The following NEURL4 variants were observed in gnomAD, a reference collection of about 807,000 sequenced individuals.
NEURL4 encodes the protein neuralized-like protein 4.
Under a neutral mutation model 148.0 loss-of-function variants are expected in NEURL4, and 45 were observed. The observed-to-expected ratio is 0.30, with a 90% CI of 0.24 to 0.39. The LOEUF is 0.39. NEURL4 is among the 10% of genes least tolerant of loss of function. The pLI, the probability that NEURL4 is intolerant of heterozygous loss-of-function variation, is 1.00. For missense variants in NEURL4, 1,776 were observed against 2,144.0 expected (o/e 0.83, Z 3.39); for synonymous variants, 854 against 869.0 (o/e 0.98, Z 0.30).
Position 7,327,116 on chromosome 17 carries a change from TC to T in NEURL4, c.793+48del. 1 of 1,604,926 alleles carries T rather than the reference TC, an allele frequency of 6.2e-7. No individual in the cohort carries two copies. Among genetic ancestry groups the T allele is most frequent in the Non-Finnish European group, 8.5e-7 (1 of 1,176,334 alleles). ...CCCTTCTCCTGAGGGCCCTCCCTTG[TC>T]CACCTCACTTCCCACTCCCCTTCCC... is the stretch of plus-strand genomic sequence containing the variant. On this transcript the variant is annotated intron_variant, in intron 3 of 28. Transcript: ENST00000399464. The surrounding 1 kb of genome is among the most constrained non-coding windows in gnomAD (Gnocchi z 6.6).
chr17:7,325,733 A>G lies in NEURL4; in HGVS notation c.1294-20T>C. On this transcript the variant is annotated intron_variant, in intron 6 of 28. Coordinates refer to ENST00000399464, the MANE Select transcript of NEURL4 (RefSeq NM_032442.3). ...ACCCTCCTAATCAAAGAAGACAAAC[A>G]GTTTAGAGGAGTCCTGAGGCCTGCT... 3 of 1,604,756 alleles carry G rather than the reference A, an allele frequency of 1.9e-6. No individual in the cohort carries two copies. The highest frequency in any genetic ancestry group is 2.6e-6 in the Non-Finnish European group (3 of 1,171,754).
Position 7,323,687 on chromosome 17 carries a change from A to C in NEURL4, c.2298T>G (p.Ile766Met). 1 of 1,613,828 alleles carries C rather than the reference A, an allele frequency of 6.2e-7. No individual in the cohort carries two copies. The highest frequency in any genetic ancestry group is 2.2e-5 in the East Asian group (1 of 44,866). Residue 766 changes from isoleucine to methionine, a missense_variant, in exon 13 of 29, where the codon ATT (isoleucine) becomes ATG (methionine). By Grantham distance (10) the Ile-to-Met change is conservative (BLOSUM62 1). Coordinates refer to ENST00000399464, the MANE Select transcript of NEURL4 (RefSeq NM_032442.3). The part of the protein sequence containing the change: ...LRDGELFEIV[I>M]QKMVDRWSGS... ...CTGACCAGCGGTCCACCATCTTCTG[A>C]ATGACAATTTCAAACAGCTCTCCAT... is the stretch of plus-strand genomic sequence containing the variant.
chr17:7,320,506 C>A (rs1340224152), intron 21 of NEURL4, among the ~76,000 whole-genome samples: 1 of 152,160 alleles, frequency 6.6e-6, no homozygotes, highest in East Asian at 1.9e-4. Flanking sequence ...GCCCTCTCTG[C>A]TCCCACATAT....
chr17:7,322,924 G>A lies in NEURL4; in HGVS notation c.2593+24C>T. The A allele has an allele frequency of 6.2e-7, 1 of 1,611,096 alleles. No homozygotes were observed. The stretch of plus-strand genomic sequence containing the variant: ...AGCCAGGTGGTCTGGGCTGAGGGTG[G>A]CAGGCTGAAAGCCACATAGTCACCT... On this transcript the variant is annotated intron_variant, in intron 15 of 28. Coordinates refer to ENST00000399464, the MANE Select transcript of NEURL4 (RefSeq NM_032442.3). The surrounding 1 kb of genome is among the most constrained non-coding windows in gnomAD (Gnocchi z 5.5).
Position 7,318,831 on chromosome 17 carries a change from C to T in NEURL4, c.3685-157G>A, listed in dbSNP as rs1330553821. On this transcript the variant is annotated intron_variant, in intron 22 of 28. Transcript: ENST00000399464. This position sits in a 1 kb window ranked among gnomAD's most constrained non-coding sequence, Gnocchi z 4.3. ...CACTGCAGTTACCTAGAGCCCCTCC[C>T]CTTCCCCAAAACTGGCACATTCTCA... 2 of 965,942 alleles carry T rather than the reference C, an allele frequency of 2.1e-6. No individual in the cohort carries two copies. Among genetic ancestry groups the T allele is most frequent in the Non-Finnish European group, 3.0e-6 (2 of 662,168 alleles). The allele number at this position is 965,942 out of a possible 1,614,324, so 59.8% of individuals were successfully genotyped here. A position where few individuals can be genotyped will look rare whatever the true frequency, so the allele number is the denominator to read the frequency against.
In NEURL4 at chr17:7,327,528, G is replaced by C; in HGVS notation, c.639C>G (p.Pro213=). The change falls in exon 2 of 29, where the codon CCC becomes CCG. Residue 213 remains proline (P), a synonymous_variant. Coordinates refer to ENST00000399464, the MANE Select transcript of NEURL4 (RefSeq NM_032442.3). The surrounding 1 kb of genome is among the most constrained non-coding windows in gnomAD (Gnocchi z 6.6). ...GGGGAGGTGTGGGGATGGGAGTAGGGGGGCTGAAGCCTGGCTCAGGGGGTA... is the reference window on the plus strand; with the variant it reads ...GGGGAGGTGTGGGGATGGGAGTAGGCGGGCTGAAGCCTGGCTCAGGGGGTA... ...TVLPPEPGFS[P]PTPIPTPPLE... 2.5e-6 allele frequency: 4 copies of C among 1,607,364 alleles called. No individual in the cohort carries two copies. Among genetic ancestry groups the C allele is most frequent in the South Asian group, 1.1e-5 (1 of 90,328 alleles).
In NEURL4 at chr17:7,323,069, G is replaced by A. The variant is rs764014094; in HGVS notation, c.2472C>T (p.Asp824=). ...GTGCACCTGTGCCCAGCGCATCCAG[G>A]TCACACCCATAATTGTTGCGCATCG... ...GNTMRNNYGC[D]LDALGTGARI... Residue 824 remains aspartate, a synonymous_variant, in exon 15 of 29, where the codon GAC becomes GAT. Transcript: ENST00000399464. 1.9e-6 allele frequency: 3 copies of A among 1,613,678 alleles called. No homozygotes were observed. Among genetic ancestry groups the A allele is most frequent in the East Asian group, 2.2e-5 (1 of 44,898 alleles).
In NEURL4 at chr17:7,317,568, T is replaced by C; in HGVS notation, c.4211A>G (p.Asn1404Ser). 1 of 1,613,764 alleles carries C rather than the reference T, an allele frequency of 6.2e-7. No individual in the cohort carries two copies. Among genetic ancestry groups the C allele is most frequent in the Admixed American group, 1.7e-5 (1 of 60,014 alleles). The change falls in exon 27 of 29, where the codon AAT (asparagine) becomes AGT (serine). Residue 1404 changes from asparagine to serine, a missense_variant. By Grantham distance (46) the Asn-to-Ser change is conservative. Transcript: ENST00000399464. ...TAGTGTCCCAGCCTCCAGGCGGGGA[T>C]TCACTCTAGGAGGTGGACAAGCGGG... is the stretch of plus-strand genomic sequence containing the variant. ...FGWCRFNLRV[N>S]PRLEAGTLTK...
At chr17:7,319,787 A>G (rs540586900) in intron 21 of NEURL4, among the ~76,000 whole-genome samples, 4 of 150,658 alleles carry the variant, frequency 2.7e-5, no homozygotes, top group Non-Finnish European at 4.4e-5. Flanking sequence ...ATCTCTAAGG[A>G]TTCTTATTCC....
rs2143014064 is a variant in NEURL4 at position 7,329,320 on chromosome 17, G to A, written c.-8C>T. On this transcript the variant is annotated 5_prime_UTR_variant, in exon 1 of 29. Coordinates refer to ENST00000399464, the MANE Select transcript of NEURL4 (RefSeq NM_032442.3). ...ACCCGACCCTGCCGCCATCTCCGCT[G>A]ACACCGGGGCAGCGCGACAGCCGCG... is the stretch of plus-strand genomic sequence containing the variant. 1.4e-6 allele frequency: 2 copies of A among 1,387,280 alleles called. No individual in the cohort carries two copies. Among genetic ancestry groups the A allele is most frequent in the South Asian group, 1.6e-5 (1 of 62,042 alleles). The allele number at this position is 1,387,280 out of a possible 1,614,324, so 85.9% of individuals were successfully genotyped here. A position where few individuals can be genotyped will look rare whatever the true frequency, so the allele number is the denominator to read the frequency against.
chr17:7,319,889 G>C (rs987685343), intron 21 of NEURL4, among the ~76,000 whole-genome samples: 6 of 151,764 alleles, frequency 4.0e-5, no homozygotes, highest in Admixed American at 2.6e-4. Flanking sequence ...GAGTGCAGCG[G>C]TGCGATCTCG....
chr17:7,324,815 C>T lies in NEURL4; in HGVS notation c.1797G>A (p.Met599Ile). 6.2e-7 allele frequency: 1 copy of T among 1,614,186 alleles called. No homozygotes were observed. The highest frequency in any genetic ancestry group is 8.5e-7 in the Non-Finnish European group (1 of 1,180,016). Reference sequence around the variant, plus strand: ...GGAGCTCACCAGAGCGCAAGTTGGTCATGGTGGAGGGCAACTGGAGGTAGG... The same window carrying T: ...GGAGCTCACCAGAGCGCAAGTTGGTTATGGTGGAGGGCAACTGGAGGTAGG... ...NPAYLQLPSTMTNLRSGTWMM... is the reference protein window; with the variant it reads ...NPAYLQLPSTITNLRSGTWMM... Residue 599 changes from methionine (M) to isoleucine (I), a missense_variant, in exon 9 of 29, where the codon ATG (methionine) becomes ATA (isoleucine). Physicochemically the swap from Met to Ile is conservative, Grantham distance 10. Transcript: ENST00000399464. The surrounding 1 kb of genome is among the most constrained non-coding windows in gnomAD (Gnocchi z 5.9).
Position 7,323,495 on chromosome 17 carries a change from A to G in NEURL4, c.2407T>C (p.Trp803Arg). 1 of 1,614,172 alleles carries G rather than the reference A, an allele frequency of 6.2e-7. No individual in the cohort carries two copies. The highest frequency in any genetic ancestry group is 8.5e-7 in the Non-Finnish European group (1 of 1,180,016). Residue 803 changes from tryptophan (W) to arginine (R), a missense_variant, in exon 14 of 29, where the codon TGG becomes CGG. Trp to Arg is a moderately radical substitution (Grantham distance 101). Coordinates refer to ENST00000399464, the MANE Select transcript of NEURL4 (RefSeq NM_032442.3). ...AGCAGGAAGCCCAACCTCAGCATCC[A>G]TGTGTCATAGTCAATGTCTGTCATG... Reference protein sequence around the residue: ...NTMTDIDYDTWMLSGTAIMQD... With the variant: ...NTMTDIDYDTRMLSGTAIMQD...
In NEURL4 at chr17:7,316,191, C is replaced by A; in HGVS notation, c.4621G>T (p.Glu1541Ter). ...TTCTCCTTAGTGACCCACTCAAGTT[C>A]GGCTGGACTGAAGTGAGGGTCAGGA... ...EPPDPHFSPAELEWVTKEKGA... is the reference protein window; with the variant it reads ...EPPDPHFSPA The change falls in exon 29 of 29, where the codon GAA becomes TAA. Residue 1541 changes from glutamate to a stop codon, truncating the protein, a stop_gained. Transcript: ENST00000399464. LOFTEE classifies it high-confidence loss of function. The A allele has an allele frequency of 6.2e-7, 1 of 1,609,216 alleles. No homozygotes were observed.
chr17:7,324,958 C>T lies in NEURL4; in HGVS notation c.1654G>A (p.Gly552Ser), dbSNP rs368408409. Residue 552 changes from glycine to serine, a missense_variant, in exon 9 of 29, where the codon GGC becomes AGC. Coordinates refer to ENST00000399464, the MANE Select transcript of NEURL4 (RefSeq NM_032442.3). This position sits in a 1 kb window ranked among gnomAD's most constrained non-coding sequence, Gnocchi z 5.9. ...AGGGCTCTGCTGCTCAGCACCACGC[C>T]GTGATTGAAGTCATCGGTGGCACTG... Reference protein sequence around the residue: ...RPHATDDFNHGVVLSSRALRD... With the variant: ...RPHATDDFNHSVVLSSRALRD... 13 of 1,614,036 alleles carry T rather than the reference C, an allele frequency of 8.1e-6. No individual in the cohort carries two copies. The highest frequency in any genetic ancestry group is 1.3e-5 in the African/African-American group (1 of 75,028).
chr17:7,328,164 A>G (rs2073127459), intron 1 of NEURL4, among the ~76,000 whole-genome samples: 1 of 152,018 alleles, frequency 6.6e-6, no homozygotes, highest in Non-Finnish European at 1.5e-5. Context: ...CCTTGTCTCT[A>G]TGGCTCTCCA....
Position 7,324,706 on chromosome 17 carries a change from A to C in NEURL4, c.1813+93T>G, listed in dbSNP as rs1378624504. The C allele has an allele frequency of 7.2e-7, 1 of 1,385,570 alleles. No homozygotes were observed. Among genetic ancestry groups the C allele is most frequent in the African/African-American group, 1.4e-5 (1 of 70,494 alleles). 85.8% of individuals were successfully genotyped at this position (1,385,570 alleles called of 1,614,324 possible). A position where few individuals can be genotyped will look rare whatever the true frequency, so the allele number is the denominator to read the frequency against. On this transcript the variant is annotated intron_variant, in intron 9 of 28. Transcript: ENST00000399464. The surrounding 1 kb of genome is among the most constrained non-coding windows in gnomAD (Gnocchi z 5.9). ...CTGAATGAGTGGTCACAAGAGTGAC[A>C]AGTGAAAAAGGAGCTGCAGAACAAG...
intron 28 of NEURL4, among the ~76,000 whole-genome samples, chr17:7,316,588 C>T (rs1259641510): frequency 1.6e-4 from 25 of 152,216 alleles, no homozygotes; most frequent in Admixed American, 1.6e-3. Flanking sequence ...TGTCTCCGCC[C>T]CATTCTTTCT....
At chr17:7,325,144 T>TTGGGGGGGGGG in intron 8 of NEURL4, 65 bp downstream of exon 8, 109 of 956,256 alleles carry the variant, frequency 1.1e-4, no homozygotes, top group Non-Finnish European at 1.5e-4. Flanking sequence ...TCCACTTCCT[T>TTGGGGGGGGGG]GCCCCGCCCC....
Sources: gnomAD v4.1 joint callset for allele counts (sites outside exome capture counted in the v4.1 genomes callset) on GRCh38, gnomAD v4.1.1 for gene constraint, Gnocchi (gnomAD v3.1) non-coding constraint, MANE v1.5 for transcripts, NCBI Gene and HGNC (gene_info 2026-07-23, HGNC 2026-07-21) for gene names.